The following TNFRSF19 variants were observed in gnomAD, a reference collection of about 807,000 sequenced individuals.
TNFRSF19 encodes the protein TNF receptor superfamily member 19.
A neutral mutation model predicts 46.4 loss-of-function variants in TNFRSF19; 27 were observed. That is an observed-to-expected ratio of 0.58 (90% CI 0.43 to 0.80). The LOEUF is 0.80. Among genes scored for constraint, TNFRSF19 ranks in the 30% least tolerant of loss-of-function variants. TNFRSF19 has a pLI of 0.00. For missense variants in TNFRSF19, 511 were observed against 530.8 expected, an observed-to-expected ratio of 0.96 and a Z score of 0.37; for synonymous variants, 204 against 205.0, an observed-to-expected ratio of 1.00 and a Z score of 0.04.
Position 23,668,730 on chromosome 13 carries a change from T to C in TNFRSF19, c.878T>C (p.Phe293Ser). Residue 293 changes from phenylalanine (F) to serine (S), a missense_variant, in exon 9 of 10, where the codon TTC (phenylalanine) becomes TCC (serine). Phe to Ser is a radical substitution (Grantham distance 155, BLOSUM62 -2). This residue lies in a region of TNFRSF19 where 376 missense variants were observed against 372.7 expected (regional missense o/e 1.01). Transcript: ENST00000248484. ...GCCGGGGAGATGGTGCCGACTTTCT[T>C]CGGATCCCTCACGCAGTCCATCTGT... Reference protein sequence around the residue: ...GPAGEMVPTFFGSLTQSICGE... With the variant: ...GPAGEMVPTFSGSLTQSICGE... The C allele has an allele frequency of 6.2e-7, 1 of 1,614,140 alleles. No individual in the cohort carries two copies. Among genetic ancestry groups the C allele is most frequent in the African/African-American group, 1.3e-5 (1 of 75,068 alleles).
intron 1 of TNFRSF19, chr13:23,579,390 T>A (rs987502716): frequency 7.9e-5 from 12 of 152,386 alleles, no homozygotes; most frequent in African/African-American, 2.9e-4. Flanking sequence ...CGCGGAGCCC[T>A]GCGCTGGGAG....
chr13:23,581,889 C>T (rs1448937924), intron 1 of TNFRSF19, among the ~76,000 whole-genome samples: 2 of 152,088 alleles, frequency 1.3e-5, no homozygotes, highest in African/African-American at 2.4e-5. Flanking sequence ...ACTGATGCAT[C>T]AATATTTAAA....
At chr13:23,604,221 G>A (rs1325768868) in intron 3 of TNFRSF19, among the ~76,000 whole-genome samples, 1 of 151,552 alleles carries the variant, frequency 6.6e-6, no homozygotes, top group African/African-American at 2.4e-5. Flanking sequence ...TGAACAAGTG[G>A]GATTTGAAAT....
chr13:23,627,630 C>T (rs1448878388), intron 5 of TNFRSF19, among the ~76,000 whole-genome samples: 1 of 152,122 alleles, frequency 6.6e-6, no homozygotes, highest in Non-Finnish European at 1.5e-5. Context: ...CAGGGGAGAG[C>T]GAAGGGCAGG....
Position 23,594,707 on chromosome 13 carries a change from C to T in TNFRSF19, c.180+1252C>T, listed in dbSNP as rs576775932. ...GCAGCTTCAGCAGACTTAAACGTTCCTGCCTGCCAGTTCTGAAGAAAGCAG... is the reference window on the plus strand; with the variant it reads ...GCAGCTTCAGCAGACTTAAACGTTCTTGCCTGCCAGTTCTGAAGAAAGCAG... On this transcript the variant is annotated intron_variant, in intron 3 of 9. Transcript: ENST00000248484. 7.9e-4 allele frequency among the ~76,000 whole-genome samples: 121 copies of T among 152,372 alleles called. 1 individual carries two copies. The highest frequency in any genetic ancestry group is 1.1e-3 in the Non-Finnish European group (78 of 68,044).
At chr13:23,629,002 C>T (rs1480018364) in intron 5 of TNFRSF19, among the ~76,000 whole-genome samples, 1 of 151,774 alleles carries the variant, frequency 6.6e-6, no homozygotes, top group Non-Finnish European at 1.5e-5. Context: ...TTCCAGAACA[C>T]AGCTAATCTC....
At chr13:23,671,474 C>A (rs1210464887) in intron 9 of TNFRSF19, among the ~76,000 whole-genome samples, 3 of 150,822 alleles carry the variant, frequency 2.0e-5, no homozygotes, top group Non-Finnish European at 4.4e-5. Context: ...ATATTTTGAG[C>A]CCATTTTACG....
chr13:23,619,528 G>C (rs756108839), intron 4 of TNFRSF19, among the ~76,000 whole-genome samples: 2 of 151,988 alleles, frequency 1.3e-5, no homozygotes, highest in African/African-American at 2.4e-5. Flanking sequence ...GAATTGTGTG[G>C]TATATAAAGT....
chr13:23,620,753 C>T (rs1443871339), intron 4 of TNFRSF19, among the ~76,000 whole-genome samples: 5 of 152,198 alleles, frequency 3.3e-5, no homozygotes, highest in Non-Finnish European at 5.9e-5. Context: ...GGCCTCCAAG[C>T]TCCTCTGCTG....
At chr13:23,630,302 TA>T (rs33960618) in intron 5 of TNFRSF19, among the ~76,000 whole-genome samples, 2,754 of 89,668 alleles carry the variant, frequency 0.031, 33 homozygotes, top group East Asian at 0.037. Context: ...GACCCTGTCT[TA>T]AAAAAAAAAA....
intron 1 of TNFRSF19, among the ~76,000 whole-genome samples, chr13:23,586,253 G>T (rs1282609667): frequency 1.1e-5 from 1 of 93,970 alleles, no homozygotes; most frequent in East Asian, 3.5e-4. Context: ...GCGAGACTCC[G>T]TCTCAAAAAA....
intron 4 of TNFRSF19, among the ~76,000 whole-genome samples, chr13:23,622,236 T>A (rs1250343928): frequency 1.3e-5 from 2 of 150,228 alleles, no homozygotes; most frequent in Non-Finnish European, 3.0e-5. Flanking sequence ...ACCCCGTCTC[T>A]ACTAAAAATG....
At chr13:23,647,884 T>A (rs1883421545) in intron 5 of TNFRSF19, among the ~76,000 whole-genome samples, 2 of 152,206 alleles carry the variant, frequency 1.3e-5, no homozygotes, top group South Asian at 4.1e-4. Flanking sequence ...AAAAATCAGT[T>A]GACCATAAAT....
chr13:23,581,313 T>C (rs1057153161), intron 1 of TNFRSF19, among the ~76,000 whole-genome samples: 4 of 151,780 alleles, frequency 2.6e-5, no homozygotes, highest in African/African-American at 9.7e-5. Flanking sequence ...ACCCGGCTAA[T>C]TTTTTTGTAT....
intron 4 of TNFRSF19, among the ~76,000 whole-genome samples, chr13:23,622,188 G>A (rs781721151): frequency 4.6e-5 from 7 of 152,080 alleles, no homozygotes; most frequent in South Asian, 2.1e-4. Flanking sequence ...TAGATCACAC[G>A]GTCGGGAGTT....
Position 23,668,946 on chromosome 13 carries a change from A to T in TNFRSF19, c.1094A>T (p.His365Leu), listed in dbSNP as rs377014124. ...GGTGGGGCTGTTCCAGTCCAGTCTCATTCTGAAAACTTTACAGCAGCTACT... is the reference window on the plus strand; with the variant it reads ...GGTGGGGCTGTTCCAGTCCAGTCTCTTTCTGAAAACTTTACAGCAGCTACT... Reference protein sequence around the residue: ...LVGGAVPVQSHSENFTAATDL... With the variant: ...LVGGAVPVQSLSENFTAATDL... Residue 365 changes from histidine to leucine, a missense_variant, in exon 9 of 10, where the codon CAT becomes CTT. By Grantham distance (99) the His-to-Leu change is moderately conservative. Around this residue, in one of 3 missense-constraint regions of TNFRSF19, gnomAD observed 376 missense variants for 372.7 expected, o/e 1.01. Coordinates refer to ENST00000248484, the MANE Select transcript of TNFRSF19 (RefSeq NM_148957.4). The T allele has an allele frequency of 1.3e-5, 21 of 1,614,154 alleles. No homozygotes were observed. In the East Asian group the frequency reaches 1.6e-4, roughly 12 times the overall value.
At chr13:23,649,351 A>C (rs1157198500) in intron 5 of TNFRSF19, among the ~76,000 whole-genome samples, 1 of 152,196 alleles carries the variant, frequency 6.6e-6, no homozygotes, top group African/African-American at 2.4e-5. Context: ...ATTTGTTGGC[A>C]TATGACTGTT....
intron 5 of TNFRSF19, among the ~76,000 whole-genome samples, chr13:23,637,910 A>G (rs570987887): frequency 2.0e-5 from 3 of 152,344 alleles, no homozygotes; most frequent in African/African-American, 7.2e-5. Context: ...CCGGAGCCCA[A>G]AATGGAGCCT....
chr13:23,668,786 C>G lies in TNFRSF19; in HGVS notation c.934C>G (p.Gln312Glu), dbSNP rs1258776958. 2 of 1,614,144 alleles carry G rather than the reference C, an allele frequency of 1.2e-6. No homozygotes were observed. Among genetic ancestry groups the G allele is most frequent in the African/African-American group, 1.3e-5 (1 of 74,950 alleles). Residue 312 changes from glutamine (Q) to glutamate (E), a missense_variant, in exon 9 of 10, where the codon CAG (glutamine) becomes GAG (glutamate). This residue lies in a region of TNFRSF19 where 376 missense variants were observed against 372.7 expected (regional missense o/e 1.01). Transcript: ENST00000248484. ...GEFSDAWPLM[Q>E]NPMGGDNISF... ...GTTTTCAGATGCCTGGCCTCTGATG[C>G]AGAATCCCATGGGTGGTGACAACAT...
Sources: gnomAD v4.1 joint callset for allele counts (sites outside exome capture counted in the v4.1 genomes callset) on GRCh38, gnomAD v4.1.1 for gene constraint, gnomAD v4.1.1 regional missense constraint, MANE v1.5 for transcripts, NCBI Gene and HGNC (gene_info 2026-07-23, HGNC 2026-07-21) for gene names.